The following TMEFF2 variants were observed in gnomAD, a reference collection of about 807,000 sequenced individuals.
TMEFF2 encodes the protein tomoregulin-2.
In TMEFF2, 28 loss-of-function variants were observed where a neutral mutation model predicts 53.8. That is an observed-to-expected ratio of 0.52 (90% CI 0.39 to 0.71). The LOEUF is 0.71. TMEFF2 is among the 30% of genes least tolerant of loss of function. TMEFF2 has a pLI of 0.00. For synonymous variants in TMEFF2, 162 were observed against 166.3 expected, an observed-to-expected ratio of 0.97 and a Z score of 0.20; for missense variants, 353 against 455.2, an observed-to-expected ratio of 0.78 and a Z score of 2.04.
intron 2 of TMEFF2, 27 bp downstream of exon 2, chr2:192,191,853 A>T: frequency 6.9e-7 from 1 of 1,450,508 alleles, no homozygotes; most frequent in South Asian, 1.2e-5. Flanking sequence ...TTAATGAATT[A>T]GAAGATGCAA....
At chr2:192,064,813 C>T (rs889370282) in intron 4 of TMEFF2, among the ~76,000 whole-genome samples, 7 of 151,734 alleles carry the variant, frequency 4.6e-5, no homozygotes, top group Admixed American at 3.3e-4. Context: ...AAGACACATT[C>T]CAAAATATGG....
At chr2:192,193,059 C>T (rs1691502033) in intron 1 of TMEFF2, among the ~76,000 whole-genome samples, 2 of 152,176 alleles carry the variant, frequency 1.3e-5, no homozygotes, top group South Asian at 2.1e-4. Flanking sequence ...TTCCTTTTGG[C>T]ATTTACATCA....
At chr2:192,148,275 T>C (rs936720838) in intron 4 of TMEFF2, among the ~76,000 whole-genome samples, 3 of 152,160 alleles carry the variant, frequency 2.0e-5, no homozygotes, top group East Asian at 1.9e-4. Flanking sequence ...AAATATAACA[T>C]GCATTTTGAA....
At chr2:192,150,864 G>A (rs1690368919) in intron 4 of TMEFF2, among the ~76,000 whole-genome samples, 1 of 151,682 alleles carries the variant, frequency 6.6e-6, no homozygotes, top group East Asian at 1.9e-4. Context: ...TGGAGATGAG[G>A]TGGGTCACAC....
intron 7 of TMEFF2, among the ~76,000 whole-genome samples, chr2:191,981,941 A>G (rs888963191): frequency 6.6e-6 from 1 of 152,148 alleles, no homozygotes; most frequent in Non-Finnish European, 1.5e-5. Context: ...GGATACCAGC[A>G]AGCCTAAGAA....
At chr2:192,120,862 G>A (rs566568205) in intron 4 of TMEFF2, among the ~76,000 whole-genome samples, 3 of 151,798 alleles carry the variant, frequency 2.0e-5, no homozygotes, top group East Asian at 1.9e-4. Context: ...TCAGCCTCCC[G>A]AATAGCTGGA....
chr2:192,083,302 G>A (rs1688595601), intron 4 of TMEFF2, among the ~76,000 whole-genome samples: 2 of 152,080 alleles, frequency 1.3e-5, no homozygotes, highest in Non-Finnish European at 2.9e-5. Context: ...TCTCCATCAG[G>A]TGATCTGAAG....
At chr2:191,964,428 C>CTT (rs1574249780) in intron 7 of TMEFF2, among the ~76,000 whole-genome samples, 2 of 122,654 alleles carry the variant, frequency 1.6e-5, no homozygotes, top group Non-Finnish European at 3.4e-5. Flanking sequence ...TTCTTTCTTT[C>CTT]TTTCTTTCTG....
At chr2:191,973,517 T>G (rs1692713748) in intron 7 of TMEFF2, among the ~76,000 whole-genome samples, 1 of 151,974 alleles carries the variant, frequency 6.6e-6, no homozygotes, top group South Asian at 2.1e-4. Context: ...ATAGATACGG[T>G]TTTTTCTTTG....
chr2:191,963,089 C>T (rs1421834119), intron 7 of TMEFF2, among the ~76,000 whole-genome samples: 1 of 152,084 alleles, frequency 6.6e-6, no homozygotes. Flanking sequence ...GTTCATTAGC[C>T]TCTTGGGAGT....
chr2:192,015,370 A>G (rs773701923), intron 5 of TMEFF2, among the ~76,000 whole-genome samples: 21 of 106,032 alleles, frequency 2.0e-4, no homozygotes, highest in Non-Finnish European at 1.0e-4. Flanking sequence ...ACAGGGTTTT[A>G]GATGCTCATT....
chr2:192,134,064 C>T (rs377251155), intron 4 of TMEFF2, among the ~76,000 whole-genome samples: 2,079 of 152,296 alleles, frequency 0.014, 45 homozygotes, highest in African/African-American at 0.044. Context: ...CTGCGTGCAG[C>T]GGCTGCCACT....
At chr2:192,003,759 G>GTA (rs1686424711) in intron 5 of TMEFF2, among the ~76,000 whole-genome samples, 1 of 152,108 alleles carries the variant, frequency 6.6e-6, no homozygotes. Flanking sequence ...ACACACAAAT[G>GTA]TATAGCTCAA....
intron 4 of TMEFF2, among the ~76,000 whole-genome samples, chr2:192,116,158 AAAAAG>A (rs1177078484): frequency 1.3e-5 from 2 of 152,026 alleles, no homozygotes; most frequent in Non-Finnish European, 2.9e-5. Context: ...TTTCAGACTT[AAAAAG>A]AAGAAAATCT....
chr2:192,166,869 T>G (rs536155165), intron 4 of TMEFF2, among the ~76,000 whole-genome samples: 1 of 152,322 alleles, frequency 6.6e-6, no homozygotes, highest in African/African-American at 2.4e-5. Flanking sequence ...AGCATATTTC[T>G]TACTTCAAGA....
intron 5 of TMEFF2, among the ~76,000 whole-genome samples, chr2:192,007,863 G>A (rs1489146568): frequency 1.3e-5 from 2 of 152,122 alleles, no homozygotes; most frequent in East Asian, 3.9e-4. Flanking sequence ...AATCATTAGG[G>A]TTTGGTGGCT....
At chr2:192,036,895 CCTGTTTTTCAGAACT>C (rs1335530307) in intron 5 of TMEFF2, 3 of 152,164 alleles carry the variant, frequency 2.0e-5, no homozygotes, top group African/African-American at 7.2e-5. Flanking sequence ...CTCCCAGGAT[CCTGTTTTTCAGAACT>C]CTGTTTTCTT....
chr2:192,067,788 A>T (rs917813384), intron 4 of TMEFF2, among the ~76,000 whole-genome samples: 2 of 151,862 alleles, frequency 1.3e-5, no homozygotes, highest in African/African-American at 4.8e-5. Context: ...TGGTAGAGGG[A>T]GTTCACAATC....
At chr2:192,022,935 CTAAG>C (rs1686889475) in intron 5 of TMEFF2, among the ~76,000 whole-genome samples, 1 of 152,036 alleles carries the variant, frequency 6.6e-6, no homozygotes, top group Non-Finnish European at 1.5e-5. Context: ...ATCAGTCACA[CTAAG>C]TATTATGTTT....
Sources: allele counts gnomAD v4.1 joint callset (sites outside exome capture counted in the v4.1 genomes callset), GRCh38; gene constraint gnomAD v4.1.1; transcripts MANE v1.5; gene names NCBI Gene and HGNC (gene_info 2026-07-23, HGNC 2026-07-21).